FCAMR: variants seen among roughly 807,000 people sequenced by gnomAD.
The protein encoded by FCAMR is Fc alpha and mu receptor.
A neutral mutation model predicts 52.2 loss-of-function variants in FCAMR; 51 were observed. The ratio of observed to expected loss-of-function variants is 0.98; its 90% CI spans 0.78 to 1.23. The LOEUF (loss-of-function observed/expected upper bound fraction) is 1.23, where lower values mean the gene tolerates loss of function less well. FCAMR is among the 50% of genes most tolerant of loss of function. The pLI is 0.00. For missense variants in FCAMR, 719 were observed against 712.6 expected, an observed-to-expected ratio of 1.01 and a Z score of -0.10; for synonymous variants, 282 against 262.0, an observed-to-expected ratio of 1.08 and a Z score of -0.74.
rs745757062 is a variant in FCAMR at position 206,967,053 on chromosome 1, T to C, written c.168A>G (p.Gln56=). 1 of 1,613,876 alleles carries C rather than the reference T, an allele frequency of 6.2e-7. No individual in the cohort carries two copies. The highest frequency in any genetic ancestry group is 1.1e-5 in the South Asian group (1 of 91,056). Reference sequence around the variant, plus strand: ...ACCTGGGCTGGGTTTGGGACTCACCTTGTAGCAGGCACAGTATGAGGAAGA... The same window carrying C: ...ACCTGGGCTGGGTTTGGGACTCACCCTGTAGCAGGCACAGTATGAGGAAGA... ...MPLFLILCLL[Q]GSSFALPQKR... Residue 56 remains glutamine (Q), a splice_region_variant and synonymous_variant, in exon 3 of 8, where the codon CAA becomes CAG. Transcript: ENST00000324852.
chr1:206,965,566 C>G (rs757685821), intron 4 of FCAMR, 149 bp downstream of exon 4: 9 of 983,798 alleles, frequency 9.1e-6, no homozygotes, highest in Non-Finnish European at 1.3e-5. Context: ...GGCTCTCATC[C>G]CCTCATTGTT....
chr1:206,965,234 C>T (rs940959384), intron 4 of FCAMR, among the ~76,000 whole-genome samples: 1 of 152,178 alleles, frequency 6.6e-6, no homozygotes, highest in African/African-American at 2.4e-5. Context: ...GTATGTGAAA[C>T]ATTTGAGAGG....
chr1:206,961,083 C>T lies in FCAMR; in HGVS notation c.793G>A (p.Val265Ile). The T allele has an allele frequency of 6.4e-7, 1 of 1,551,862 alleles. No individual in the cohort carries two copies. Among genetic ancestry groups the T allele is most frequent in the Non-Finnish European group, 8.7e-7 (1 of 1,147,022 alleles). Residue 265 changes from valine (V) to isoleucine (I), a missense_variant, in exon 6 of 8, where the codon GTT becomes ATT. Val to Ile is a conservative substitution (Grantham distance 29). Transcript: ENST00000324852. ...TTGCTGGTTCCTGGAGTGGAAGCAA[C>T]TGTGTCCCATGCTGTCCCCTGTCCT... ...TLGQGTAWDT[V>I]ASTPGTSKTT...
At chr1:206,969,733 C>A (rs1451279753) in intron 1 of FCAMR, among the ~76,000 whole-genome samples, 1 of 152,212 alleles carries the variant, frequency 6.6e-6, no homozygotes, top group Non-Finnish European at 1.5e-5. Flanking sequence ...TCAGGAGGGG[C>A]TGCAGCAGCC....
intron 4 of FCAMR, among the ~76,000 whole-genome samples, chr1:206,963,397 T>C (rs1024983252): frequency 6.6e-6 from 1 of 152,188 alleles, no homozygotes. Context: ...ACAAAGTTCA[T>C]TCTTTCTCTC....
Position 206,958,653 on chromosome 1 carries a change from A to C in FCAMR, c.1597T>G (p.Leu533Val). 1 of 1,614,066 alleles carries C rather than the reference A, an allele frequency of 6.2e-7. No individual in the cohort carries two copies. Among genetic ancestry groups the C allele is most frequent in the East Asian group, 2.2e-5 (1 of 44,884 alleles). The part of the protein sequence containing the change: ...RTSQEAERVT[L>V]IQMTHFLEVN... The stretch of plus-strand genomic sequence containing the variant: ...TCCAGAAAATGTGTCATCTGAATTA[A>C]GGTGACCCTTTCTGCCTCCTGAGCT... Residue 533 changes from leucine to valine, a missense_variant, in exon 8 of 8, where the codon TTA becomes GTA. Leu to Val is a conservative substitution (Grantham distance 32, BLOSUM62 1). Transcript: ENST00000324852.
chr1:206,963,846 G>A (rs926680941), intron 4 of FCAMR, among the ~76,000 whole-genome samples: 5 of 152,174 alleles, frequency 3.3e-5, no homozygotes, highest in African/African-American at 1.2e-4. Context: ...TATGGCTGTC[G>A]TTCTCTCCTT....
At chr1:206,965,623 G>A (rs769140121) in intron 4 of FCAMR, 92 bp downstream of exon 4, 5 of 1,415,350 alleles carry the variant, frequency 3.5e-6, no homozygotes, top group Non-Finnish European at 4.7e-6. Flanking sequence ...AGAGGCTAGG[G>A]CTGCCTATAG....
At chr1:206,966,767 T>G (rs1252608007) in intron 3 of FCAMR, among the ~76,000 whole-genome samples, 1 of 152,228 alleles carries the variant, frequency 6.6e-6, no homozygotes, top group Non-Finnish European at 1.5e-5. Context: ...TGATGGAATT[T>G]CCATTCATTC....
chr1:206,966,893 T>A (rs1680733020), intron 3 of FCAMR, among the ~76,000 whole-genome samples, 159 bp downstream of exon 3: 1 of 152,216 alleles, frequency 6.6e-6, no homozygotes. Context: ...ACCATCAGAA[T>A]AAAATCTACT....
rs1164254568 is a variant in FCAMR at position 206,959,624 on chromosome 1, G to T, written c.1573+55C>A. On this transcript the variant is annotated intron_variant, in intron 7 of 7. Coordinates refer to ENST00000324852, the MANE Select transcript of FCAMR (RefSeq NM_001170631.2). ...GACTCTACCCCTACCCAGCCCTGAG[G>T]GTGTCAGGTGGGAACCAGAACTCTT... The T allele has an allele frequency of 9.3e-6, 13 of 1,402,910 alleles. No individual in the cohort carries two copies. In the East Asian group the frequency reaches 3.0e-4, roughly 32 times the overall value. 86.9% of individuals were successfully genotyped at this position (1,402,910 alleles called of 1,614,324 possible). A position where few individuals can be genotyped will look rare whatever the true frequency, so the allele number is the denominator to read the frequency against.
Position 206,965,815 on chromosome 1 carries a change from C to T in FCAMR, c.213G>A (p.Trp71Ter). 6.2e-7 allele frequency: 1 copy of T among 1,602,020 alleles called. No individual in the cohort carries two copies. Among genetic ancestry groups the T allele is most frequent in the Non-Finnish European group, 8.5e-7 (1 of 1,174,818 alleles). ...TGGAGGGGAGAGAGCCCTCCCACAG[C>T]CATCTCGGATGGGGTCTTTTTTGTG... ...ALPQKRPHPR[W>*]LWEGSLPSRT... The change falls in exon 4 of 8, where the codon TGG becomes TGA. Residue 71 changes from tryptophan to a stop codon, truncating the protein, a stop_gained. Coordinates refer to ENST00000324852, the MANE Select transcript of FCAMR (RefSeq NM_001170631.2). LOFTEE classifies it high-confidence loss of function.
Position 206,961,178 on chromosome 1 carries a change from A to G in FCAMR, c.698T>C (p.Leu233Pro), listed in dbSNP as rs1362271135. The change falls in exon 6 of 8, where the codon CTC becomes CCC. Residue 233 changes from leucine (L) to proline (P), a missense_variant. By Grantham distance (98) the Leu-to-Pro change is moderately conservative. Transcript: ENST00000324852. ...CGCTGTTCCATAGGATCTCATGGTG[A>G]GCTCCCCAGCAGCTGGAGTGGCTGT... ...LPTATPAAGE[L>P]TMRSYGTASP... 6.4e-7 allele frequency: 1 copy of G among 1,551,062 alleles called. No homozygotes were observed. Among genetic ancestry groups the G allele is most frequent in the Non-Finnish European group, 8.7e-7 (1 of 1,146,822 alleles).
intron 4 of FCAMR, among the ~76,000 whole-genome samples, chr1:206,963,230 C>G (rs946725945): frequency 3.3e-5 from 5 of 152,078 alleles, no homozygotes; most frequent in Non-Finnish European, 7.3e-5. Context: ...AGTCACTTTT[C>G]CATAGAAACA....
chr1:206,962,235 G>A lies in FCAMR; in HGVS notation c.630C>T (p.Ser210=). ...TACCTGCAGAGATGGTCAGATTCAT[G>A]CTTAAGAACAGCATGTTGTTTTCAC... ...IGSENNMLFL[S]MNLTISAGPA... The change falls in exon 5 of 8, where the codon AGC becomes AGT. Residue 210 remains serine, a synonymous_variant. Transcript: ENST00000324852. 6.2e-7 allele frequency: 1 copy of A among 1,614,192 alleles called. No individual in the cohort carries two copies. Among genetic ancestry groups the A allele is most frequent in the Non-Finnish European group, 8.5e-7 (1 of 1,180,024 alleles).
At chr1:206,964,040 T>G (rs528934106) in intron 4 of FCAMR, among the ~76,000 whole-genome samples, 1 of 152,204 alleles carries the variant, frequency 6.6e-6, no homozygotes, top group Non-Finnish European at 1.5e-5. Flanking sequence ...ACAAAGGGCA[T>G]GCTTGTTGAG....
chr1:206,970,188 C>T lies in FCAMR; in HGVS notation c.-63G>A, dbSNP rs375390512. ...TCCTTATGAGATGCAGGTGTTTGGA[C>T]GACTTCTAGTTGCTCTCCTTTAAAC... On this transcript the variant is annotated 5_prime_UTR_variant, in exon 1 of 8. Transcript: ENST00000324852. 1.1e-3 allele frequency: 1,679 copies of T among 1,587,226 alleles called. 25 individuals carry two copies. In the South Asian group the frequency reaches 0.017, roughly 16 times the overall value.
chr1:206,965,682 C>T (rs780796089), intron 4 of FCAMR, 33 bp downstream of exon 4: 11 of 1,530,670 alleles, frequency 7.2e-6, no homozygotes, highest in Non-Finnish European at 9.6e-6. Context: ...GTCTGAGGTC[C>T]ATGGTCGAAC....
In FCAMR at chr1:206,960,429, C is replaced by A; in HGVS notation, c.1447G>T (p.Val483Leu). The A allele has an allele frequency of 2.0e-6, 3 of 1,495,598 alleles. No individual in the cohort carries two copies. The highest frequency in any genetic ancestry group is 2.7e-6 in the Non-Finnish European group (3 of 1,121,862). 92.6% of individuals were successfully genotyped at this position (1,495,598 alleles called of 1,614,324 possible). Residue 483 changes from valine (V) to leucine (L), a missense_variant, in exon 6 of 8, where the codon GTG becomes TTG. By Grantham distance (32) the Val-to-Leu change is conservative. Transcript: ENST00000324852. ...GAAGGTGCCTGGGGTTACCGCTTCA[C>A]GGAGGACTCCTTGCCAGGGGGTCCC... Reference protein sequence around the residue: ...PWGPPGKESSVKRTFPEDESS... With the variant: ...PWGPPGKESSLKRTFPEDESS...
Sources: allele counts gnomAD v4.1 joint callset (sites outside exome capture counted in the v4.1 genomes callset), GRCh38; gene constraint gnomAD v4.1.1; transcripts MANE v1.5; gene names NCBI Gene and HGNC (gene_info 2026-07-23, HGNC 2026-07-21).